The following RYR3 variants were observed in gnomAD, a reference collection of about 807,000 sequenced individuals.
RYR3 encodes the protein brain ryanodine receptor-calcium release channel.
RYR3 carries 207 observed loss-of-function variants against 584.3 expected under a neutral mutation model. The ratio of observed to expected loss-of-function variants is 0.35; its 90% CI spans 0.32 to 0.40. The LOEUF (loss-of-function observed/expected upper bound fraction) is 0.40. Among genes scored for constraint, RYR3 ranks in the 10% least tolerant of loss-of-function variants. The probability of loss-of-function intolerance (pLI) is 1.00; values close to 1 mark genes in which losing one functional copy is unlikely to be tolerated. For missense variants in RYR3, 5,616 were observed against 6,089.2 expected (o/e 0.92, Z 2.59); for synonymous variants, 2,416 against 2,248.5 (o/e 1.07, Z -2.11).
intron 16 of RYR3, among the ~76,000 whole-genome samples, chr15:33,594,821 A>T (rs2059294325): frequency 6.6e-6 from 1 of 152,218 alleles, no homozygotes. Context: ...GAAATTTGTT[A>T]CCTCTGTGGC....
At chr15:33,720,259 T>C (rs1476682986) in intron 43 of RYR3, among the ~76,000 whole-genome samples, 2 of 152,178 alleles carry the variant, frequency 1.3e-5, no homozygotes, top group Non-Finnish European at 2.9e-5. Context: ...ACTACACCTG[T>C]GGTCTGAGGT....
intron 13 of RYR3, 145 bp from the exon 14 acceptor site, chr15:33,581,363 A>C: frequency 5.0e-6 from 4 of 801,858 alleles, no homozygotes; most frequent in Non-Finnish European, 5.8e-6. Context: ...GGGAAAAAAA[A>C]CAAACCCAAC....
intron 38 of RYR3, among the ~76,000 whole-genome samples, chr15:33,675,707 T>C (rs1253073419): frequency 6.6e-6 from 1 of 152,226 alleles, no homozygotes; most frequent in African/African-American, 2.4e-5. Flanking sequence ...ATGTGCAAAT[T>C]GCTTAAATGT....
chr15:33,482,369 T>A (rs933897410), intron 2 of RYR3, among the ~76,000 whole-genome samples: 2 of 152,174 alleles, frequency 1.3e-5, no homozygotes, highest in African/African-American at 4.8e-5. Context: ...AGTTTTAACA[T>A]TTTTTTCTTT....
In RYR3 at chr15:33,720,588, G is replaced by A. The variant is rs560259508; in HGVS notation, c.6620-2127G>A. On this transcript the variant is annotated intron_variant, in intron 43 of 103. Transcript: ENST00000634891. ...GTTCTCATTCAGATGCTCTGCCAGG[G>A]TGTGGTGGCTCACGCCTGTAATCCC... Among the ~76,000 whole-genome samples, 39 of 152,364 alleles carry A rather than the reference G, an allele frequency of 2.6e-4. No homozygotes were observed. In the South Asian group the frequency reaches 6.8e-3, roughly 27 times the overall value.
At chr15:33,542,467 T>C (rs977347243) in intron 7 of RYR3, among the ~76,000 whole-genome samples, 6 of 152,160 alleles carry the variant, frequency 3.9e-5, no homozygotes, top group Admixed American at 3.3e-4. Context: ...GAATCATTTT[T>C]AATGCAAAGG....
At chr15:33,829,624 G>T (rs566332744) in intron 85 of RYR3, among the ~76,000 whole-genome samples, 38 of 152,140 alleles carry the variant, frequency 2.5e-4, no homozygotes, top group African/African-American at 9.2e-4. Flanking sequence ...ATGGTGGCGG[G>T]TGCCTGTAGT....
chr15:33,858,067 T>C, intron 99 of RYR3, 153 bp downstream of exon 99: 1 of 1,002,788 alleles, frequency 1.0e-6, no homozygotes, highest in Non-Finnish European at 1.4e-6. Context: ...GACAGATGTC[T>C]TCTCCAAACA....
Position 33,543,824 on chromosome 15 carries a change from A to C in RYR3, c.740+109A>C, listed in dbSNP as rs1010861585. Reference sequence around the variant, plus strand: ...ATATGAACTCTGTACATGTCAGTCCATTGACAAACCTTCCTCCAGCCATGG... The same window carrying C: ...ATATGAACTCTGTACATGTCAGTCCCTTGACAAACCTTCCTCCAGCCATGG... On this transcript the variant is annotated intron_variant, in intron 8 of 103. Coordinates refer to ENST00000634891, the MANE Select transcript of RYR3 (RefSeq NM_001036.6). 7 of 784,080 alleles carry C rather than the reference A, an allele frequency of 8.9e-6. No homozygotes were observed. In the African/African-American group the frequency reaches 1.2e-4, roughly 13 times the overall value. The allele number at this position is 784,080 out of a possible 1,614,324, so 48.6% of individuals were successfully genotyped here.
chr15:33,382,354 C>T (rs566869975), intron 1 of RYR3, among the ~76,000 whole-genome samples: 10 of 112,336 alleles, frequency 8.9e-5, no homozygotes, highest in African/African-American at 1.7e-4. Flanking sequence ...GACGGAGTCT[C>T]GCTTTGTCGC....
In RYR3 at chr15:33,696,509, A is replaced by T; in HGVS notation, c.6134+18A>T. ...GGGCTGGGGTAGGTGATTCACGGTT[A>T]CGTGCTGTTCTCTCTAGGAGCTTTA... On this transcript the variant is annotated intron_variant, in intron 39 of 103. Coordinates refer to ENST00000634891, the MANE Select transcript of RYR3 (RefSeq NM_001036.6). 6.2e-7 allele frequency: 1 copy of T among 1,613,284 alleles called. No homozygotes were observed. The highest frequency in any genetic ancestry group is 1.3e-5 in the African/African-American group (1 of 75,050).
chr15:33,470,555 C>T (rs1567309345), intron 1 of RYR3, among the ~76,000 whole-genome samples: 1 of 151,824 alleles, frequency 6.6e-6, no homozygotes, highest in Non-Finnish European at 1.5e-5. Flanking sequence ...TAAAATAGAG[C>T]AAATCTAGTA....
At position 33,427,657 on chromosome 15, in the gene RYR3, C is replaced by A. The variant is rs1030928008; in HGVS notation, c.52-45762C>A. Among the ~76,000 whole-genome samples, 4 of 152,174 alleles carry A rather than the reference C, an allele frequency of 2.6e-5. No individual in the cohort carries two copies. In the East Asian group the frequency reaches 7.7e-4, roughly 29 times the overall value. On this transcript the variant is annotated intron_variant, in intron 1 of 103. Transcript: ENST00000634891. ...CATCACTGGAAGTTTATTCATGGCT[C>A]TCTCTGAAATGAATATTTATGCACC... is the stretch of plus-strand genomic sequence containing the variant.
At chr15:33,851,285 T>C (rs989366486) in intron 94 of RYR3, 2 of 152,142 alleles carry the variant, frequency 1.3e-5, no homozygotes, top group Admixed American at 1.3e-4. Context: ...TAGTAGGATA[T>C]GCAAAATGTT....
chr15:33,757,856 T>G, intron 60 of RYR3: 1 of 473,760 alleles, frequency 2.1e-6, no homozygotes, highest in Non-Finnish European at 3.8e-6. Flanking sequence ...GAGATTAAGA[T>G]GGCCGAATAG....
intron 18 of RYR3, 115 bp downstream of exon 18, chr15:33,603,479 A>C: frequency 9.0e-7 from 1 of 1,113,706 alleles, no homozygotes; most frequent in Non-Finnish European, 1.3e-6. Flanking sequence ...AAGAGTCTCA[A>C]CTAATTAAAC....
At chr15:33,603,504 G>A (rs1486586499) in intron 18 of RYR3, 140 bp downstream of exon 18, 4 of 936,822 alleles carry the variant, frequency 4.3e-6, no homozygotes, top group Non-Finnish European at 6.4e-6. Flanking sequence ...AGGTGGAAAA[G>A]AGTATCAGAT....
chr15:33,419,786 G>GA (rs1483464621), intron 1 of RYR3, among the ~76,000 whole-genome samples: 1 of 152,168 alleles, frequency 6.6e-6, no homozygotes, highest in African/African-American at 2.4e-5. Flanking sequence ...ACGTGAAGCA[G>GA]AAGGAAAAAG....
intron 19 of RYR3, 117 bp downstream of exon 19, chr15:33,613,492 C>A: frequency 9.4e-7 from 1 of 1,067,904 alleles, no homozygotes; most frequent in Non-Finnish European, 1.3e-6. Context: ...CTAAGTTCCC[C>A]AGGACAGTGA....
Sources: gnomAD v4.1 joint callset for allele counts (sites outside exome capture counted in the v4.1 genomes callset) on GRCh38, gnomAD v4.1.1 for gene constraint, MANE v1.5 for transcripts, NCBI Gene and HGNC (gene_info 2026-07-23, HGNC 2026-07-21) for gene names.